GNAQ: variants seen among roughly 807,000 people sequenced by gnomAD.
GNAQ encodes the protein guanine nucleotide-binding protein G(q) subunit alpha.
A neutral mutation model predicts 43.9 loss-of-function variants in GNAQ; 8 were observed. The observed-to-expected ratio is 0.18, with a 90% confidence interval of 0.11 to 0.33. The LOEUF (loss-of-function observed/expected upper bound fraction) is 0.33, where lower values mean the gene tolerates loss of function less well. Among genes scored for constraint, GNAQ ranks in the 10% least tolerant of loss-of-function variants. GNAQ has a pLI of 1.00. For missense variants in GNAQ, 158 were observed against 450.8 expected (o/e 0.35, Z 5.88); for synonymous variants, 155 against 170.7 (o/e 0.91, Z 0.71).
intron 3 of GNAQ, among the ~76,000 whole-genome samples, chr9:77,813,160 C>T (rs1323011071): frequency 1.3e-5 from 2 of 152,146 alleles, no homozygotes; most frequent in African/African-American, 4.8e-5. Context: ...TCAAGTGATC[C>T]ACCCACCTCA....
intron 3 of GNAQ, among the ~76,000 whole-genome samples, chr9:77,811,055 T>A (rs1826913476): frequency 6.6e-6 from 1 of 152,140 alleles, no homozygotes; most frequent in Non-Finnish European, 1.5e-5. Flanking sequence ...AGAGAACTGC[T>A]ACTACACTAC....
At chr9:77,906,288 T>C (rs1417897199) in intron 2 of GNAQ, among the ~76,000 whole-genome samples, 1 of 152,160 alleles carries the variant, frequency 6.6e-6, no homozygotes, top group Admixed American at 6.6e-5. Context: ...TATTCAAAAA[T>C]GTAGATTAAA....
At chr9:77,826,263 T>A (rs1827195287) in intron 2 of GNAQ, among the ~76,000 whole-genome samples, 1 of 152,122 alleles carries the variant, frequency 6.6e-6, no homozygotes. Context: ...GACCCTGAAA[T>A]AATCTGAGTT....
At chr9:77,738,146 T>C (rs1381504468) in intron 5 of GNAQ, among the ~76,000 whole-genome samples, 1 of 152,228 alleles carries the variant, frequency 6.6e-6, no homozygotes, top group Admixed American at 6.5e-5. Flanking sequence ...AATGTAAATA[T>C]ACCATAGTCA....
In GNAQ at chr9:77,815,765, A is replaced by C. The variant is rs1827002659; in HGVS notation, c.327T>G (p.His109Gln). 6.2e-7 allele frequency: 1 copy of C among 1,609,692 alleles called. No individual in the cohort carries two copies. The highest frequency in any genetic ancestry group is 1.3e-5 in the African/African-American group (1 of 74,738). The stretch of plus-strand genomic sequence containing the variant: ...CATCAACTTCTCGAACTAATTGTGC[A>C]TGAGCCTGTTTAAATAAAAAAAGGC... Reference protein sequence around the residue: ...IPYKYEHNKAHAQLVREVDVE... With the variant: ...IPYKYEHNKAQAQLVREVDVE... The change falls in exon 3 of 7, where the codon CAT becomes CAG. Residue 109 changes from histidine to glutamine, a missense_variant. His to Gln is a conservative substitution (Grantham distance 24, BLOSUM62 0). Coordinates refer to ENST00000286548, the MANE Select transcript of GNAQ (RefSeq NM_002072.5).
intron 5 of GNAQ, among the ~76,000 whole-genome samples, chr9:77,732,063 G>C (rs761506463): frequency 3.3e-5 from 5 of 152,148 alleles, no homozygotes; most frequent in Admixed American, 6.5e-5. Flanking sequence ...TGACTCATAA[G>C]GTAGTGGAAC....
At chr9:77,777,491 A>G (rs1243676911) in intron 5 of GNAQ, among the ~76,000 whole-genome samples, 1 of 152,080 alleles carries the variant, frequency 6.6e-6, no homozygotes, top group Non-Finnish European at 1.5e-5. Flanking sequence ...AAAATAGACA[A>G]CCTGAACTTC....
intron 5 of GNAQ, among the ~76,000 whole-genome samples, chr9:77,793,349 G>A (rs959950768): frequency 1.3e-5 from 2 of 152,040 alleles, no homozygotes; most frequent in African/African-American, 4.8e-5. Context: ...GAATGATTCC[G>A]AAATGCATGA....
intron 2 of GNAQ, among the ~76,000 whole-genome samples, chr9:77,905,690 C>G (rs1187664153): frequency 6.6e-6 from 1 of 152,146 alleles, no homozygotes; most frequent in Non-Finnish European, 1.5e-5. Flanking sequence ...TTAAATACTG[C>G]TTTCATATTC....
At chr9:77,946,763 A>C (rs1293783708) in intron 1 of GNAQ, among the ~76,000 whole-genome samples, 1 of 152,240 alleles carries the variant, frequency 6.6e-6, no homozygotes, top group East Asian at 1.9e-4. Flanking sequence ...CATGGGTTAA[A>C]GCCCAGGGTA....
At chr9:77,803,251 C>T (rs1826775063) in intron 3 of GNAQ, among the ~76,000 whole-genome samples, 2 of 152,174 alleles carry the variant, frequency 1.3e-5, no homozygotes, top group Non-Finnish European at 2.9e-5. Flanking sequence ...ATGTCTCTGA[C>T]AAAGACAACA....
chr9:77,991,776 T>A (rs1823511001), intron 1 of GNAQ, among the ~76,000 whole-genome samples: 1 of 152,164 alleles, frequency 6.6e-6, no homozygotes, highest in Admixed American at 6.5e-5. Flanking sequence ...TGCCTTTGTA[T>A]CCTCACAGCT....
chr9:77,901,877 T>C (rs1042575243), intron 2 of GNAQ, among the ~76,000 whole-genome samples: 2 of 152,204 alleles, frequency 1.3e-5, no homozygotes, highest in African/African-American at 4.8e-5. Context: ...TCTTAATTAA[T>C]TGATGGCAGC....
At chr9:77,725,079 AC>A (rs1233121901) in intron 6 of GNAQ, among the ~76,000 whole-genome samples, 1 of 151,668 alleles carries the variant, frequency 6.6e-6, no homozygotes, top group Non-Finnish European at 1.5e-5. Flanking sequence ...AAGGGACTAT[AC>A]CTTTTTTTTT....
intron 2 of GNAQ, among the ~76,000 whole-genome samples, chr9:77,896,061 T>C (rs1828498520): frequency 6.6e-6 from 1 of 152,126 alleles, no homozygotes; most frequent in Admixed American, 6.5e-5. Flanking sequence ...ACCTAAAATT[T>C]TGCATTTAGT....
At chr9:77,856,430 A>G (rs963279225) in intron 2 of GNAQ, among the ~76,000 whole-genome samples, 1 of 152,196 alleles carries the variant, frequency 6.6e-6, no homozygotes, top group African/African-American at 2.4e-5. Flanking sequence ...GTTTTTAACT[A>G]TTACACATGG....
chr9:77,998,712 A>G (rs1823607130), intron 1 of GNAQ, among the ~76,000 whole-genome samples: 1 of 152,232 alleles, frequency 6.6e-6, no homozygotes, highest in Non-Finnish European at 1.5e-5. Context: ...ACTACTGATG[A>G]ATAAAACTGT....
intron 1 of GNAQ, among the ~76,000 whole-genome samples, chr9:77,962,208 T>C (rs554221642): frequency 7.2e-5 from 11 of 152,232 alleles, no homozygotes; most frequent in African/African-American, 2.6e-4. Flanking sequence ...ATACTTGGAA[T>C]TTGAGTACTA....
chr9:77,903,784 G>C (rs985835772), intron 2 of GNAQ, among the ~76,000 whole-genome samples: 1 of 151,724 alleles, frequency 6.6e-6, no homozygotes, highest in African/African-American at 2.4e-5. Flanking sequence ...TAAGTGGAGA[G>C]AAAAAAAATG....
Sources: allele counts gnomAD v4.1 joint callset (sites outside exome capture counted in the v4.1 genomes callset), GRCh38; gene constraint gnomAD v4.1.1; transcripts MANE v1.5; gene names NCBI Gene and HGNC (gene_info 2026-07-23, HGNC 2026-07-21).